The following ZNF804A variants were observed in gnomAD, a reference collection of about 807,000 sequenced individuals.
The protein encoded by ZNF804A is zinc finger protein 804A.
In ZNF804A, 2 loss-of-function variants were observed where a neutral mutation model predicts 16.5. That is an observed-to-expected ratio of 0.12 (90% CI 0.05 to 0.38). The LOEUF is 0.38. Ranked by LOEUF, ZNF804A falls within the 10% of genes least tolerant of loss-of-function variation. The pLI is 0.99. For synonymous variants in ZNF804A, 534 were observed against 489.6 expected (o/e 1.09, Z -1.20); for missense variants, 1,473 against 1,390.7 (o/e 1.06, Z -0.94).
In ZNF804A at chr2:184,936,245, A is replaced by C; in HGVS notation, c.849A>C (p.Ala283=). 6.2e-7 allele frequency: 1 copy of C among 1,614,042 alleles called. No individual in the cohort carries two copies. Among genetic ancestry groups the C allele is most frequent in the Non-Finnish European group, 8.5e-7 (1 of 1,179,962 alleles). ...CTAACTCTTTTCATCCACCAGAGGC[A>C]ATGTGCAGAGACAAAGAAACTGTTC... The part of the protein sequence containing the change: ...EKTNSFHPPE[A]MCRDKETVQT... Residue 283 remains alanine (A), a synonymous_variant, in exon 4 of 4, where the codon GCA becomes GCC. Transcript: ENST00000302277.
intron 1 of ZNF804A, among the ~76,000 whole-genome samples, chr2:184,666,521 C>G (rs1692258173): frequency 6.6e-6 from 1 of 151,954 alleles, no homozygotes; most frequent in Non-Finnish European, 1.5e-5. Context: ...TATCCCTACA[C>G]TTTATATTTT....
chr2:184,642,502 C>T (rs12693385), intron 1 of ZNF804A, among the ~76,000 whole-genome samples: 85,558 of 151,948 alleles, frequency 0.56, 25,108 homozygotes, highest in African/African-American at 0.69. Flanking sequence ...CTTCATAACC[C>T]GTAATTGTTT....
intron 2 of ZNF804A, among the ~76,000 whole-genome samples, chr2:184,911,668 T>G (rs1369382277): frequency 6.8e-6 from 1 of 146,418 alleles, no homozygotes; most frequent in Non-Finnish European, 1.5e-5. Flanking sequence ...TTTGTAGTTT[T>G]CCTTGTGGAG....
chr2:184,643,609 A>G (rs906804286), intron 1 of ZNF804A, among the ~76,000 whole-genome samples: 16 of 151,930 alleles, frequency 1.1e-4, no homozygotes, highest in Non-Finnish European at 2.2e-4. Context: ...AGAATCAAGA[A>G]ACACTTTATT....
intron 2 of ZNF804A, 119 bp downstream of exon 2, chr2:184,866,631 G>A: frequency 1.2e-6 from 1 of 850,846 alleles, no homozygotes; most frequent in South Asian, 3.3e-5. Context: ...GTACAGTTTT[G>A]AAATATATCA....
intron 1 of ZNF804A, among the ~76,000 whole-genome samples, chr2:184,637,028 G>A (rs879579550): frequency 6.6e-6 from 1 of 152,012 alleles, no homozygotes; most frequent in African/African-American, 2.4e-5. Flanking sequence ...TTTTTAAATT[G>A]CTTTCATAGT....
intron 1 of ZNF804A, among the ~76,000 whole-genome samples, chr2:184,827,976 C>T (rs1214255543): frequency 1.3e-5 from 2 of 151,644 alleles, no homozygotes; most frequent in Non-Finnish European, 3.0e-5. Context: ...TTATAATCTC[C>T]TATCATCTAT....
chr2:184,822,346 G>A (rs866404467), intron 1 of ZNF804A, among the ~76,000 whole-genome samples: 3 of 152,082 alleles, frequency 2.0e-5, no homozygotes, highest in South Asian at 2.1e-4. Flanking sequence ...AGTTGTAAGT[G>A]GGAACTGATC....
Position 184,726,192 on chromosome 2 carries a change from G to A in ZNF804A, c.111+127122G>A, listed in dbSNP as rs1293240715. Among the ~76,000 whole-genome samples the A allele has an allele frequency of 2.6e-5, 4 of 151,768 alleles. No homozygotes were observed. In the East Asian group the frequency reaches 5.8e-4, roughly 22 times the overall value. On this transcript the variant is annotated intron_variant, in intron 1 of 3. Coordinates refer to ENST00000302277, the MANE Select transcript of ZNF804A (RefSeq NM_194250.2). ...AGATTGTATGCTATGCGTATTTCTAGAGTTTTAAGAATCTTCCCATTTCCC... is the reference window on the plus strand; with the variant it reads ...AGATTGTATGCTATGCGTATTTCTAAAGTTTTAAGAATCTTCCCATTTCCC...
intron 1 of ZNF804A, among the ~76,000 whole-genome samples, chr2:184,728,135 T>C (rs1693446704): frequency 6.6e-6 from 1 of 151,548 alleles, no homozygotes; most frequent in Non-Finnish European, 1.5e-5. Context: ...ATGAAGAAGG[T>C]ATTTACACAT....
chr2:184,697,149 G>A lies in ZNF804A; in HGVS notation c.111+98079G>A, dbSNP rs561158057. ...AATTATAGCAAAATAAATCCCAACAGTTTAAAGATTGTAGCTATTATTATT... is the reference window on the plus strand; with the variant it reads ...AATTATAGCAAAATAAATCCCAACAATTTAAAGATTGTAGCTATTATTATT... On this transcript the variant is annotated intron_variant, in intron 1 of 3. Coordinates refer to ENST00000302277, the MANE Select transcript of ZNF804A (RefSeq NM_194250.2). 5.9e-4 allele frequency among the ~76,000 whole-genome samples: 90 copies of A among 152,026 alleles called. 1 individual carries two copies. Among genetic ancestry groups the A allele is most frequent in the South Asian group, 2.9e-3 (14 of 4,810 alleles).
chr2:184,606,146 C>T (rs149699052), intron 1 of ZNF804A, among the ~76,000 whole-genome samples: 7 of 152,246 alleles, frequency 4.6e-5, no homozygotes, highest in Admixed American at 4.6e-4. Flanking sequence ...TTTTATGTGT[C>T]ACCTACAATA....
chr2:184,698,071 A>C (rs1692861628), intron 1 of ZNF804A, among the ~76,000 whole-genome samples: 2 of 152,082 alleles, frequency 1.3e-5, no homozygotes, highest in Admixed American at 6.6e-5. Context: ...ATTTGAGTCT[A>C]TTCAGTCTTT....
chr2:184,680,221 T>C (rs1692515507), intron 1 of ZNF804A, among the ~76,000 whole-genome samples: 2 of 151,078 alleles, frequency 1.3e-5, no homozygotes, highest in Non-Finnish European at 2.9e-5. Context: ...ACAGATGGGA[T>C]GACCTACCTG....
At chr2:184,649,361 A>C (rs909045405) in intron 1 of ZNF804A, among the ~76,000 whole-genome samples, 2 of 152,132 alleles carry the variant, frequency 1.3e-5, no homozygotes, top group Non-Finnish European at 2.9e-5. Context: ...CTAACATTAC[A>C]TTCAGAGGAA....
intron 2 of ZNF804A, among the ~76,000 whole-genome samples, chr2:184,885,310 A>G (rs1435421037): frequency 6.6e-6 from 1 of 152,238 alleles, no homozygotes; most frequent in Non-Finnish European, 1.5e-5. Context: ...AAGCAGAATT[A>G]ACCTTTGACC....
chr2:184,718,696 C>G (rs892920745), intron 1 of ZNF804A, among the ~76,000 whole-genome samples: 1 of 152,140 alleles, frequency 6.6e-6, no homozygotes, highest in Non-Finnish European at 1.5e-5. Flanking sequence ...TGTCTCACAT[C>G]CAGGTCACGC....
At chr2:184,734,817 G>C (rs566102666) in intron 1 of ZNF804A, among the ~76,000 whole-genome samples, 1 of 152,188 alleles carries the variant, frequency 6.6e-6, no homozygotes, top group African/African-American at 2.4e-5. Context: ...AATTCTAGCA[G>C]TTTTTTCCTC....
intron 1 of ZNF804A, among the ~76,000 whole-genome samples, chr2:184,829,790 A>G (rs1198459403): frequency 6.7e-6 from 1 of 149,372 alleles, no homozygotes; most frequent in Non-Finnish European, 1.5e-5. Flanking sequence ...GGCTGGGTGT[A>G]GTGGCTCATG....
Sources: allele counts gnomAD v4.1 joint callset (sites outside exome capture counted in the v4.1 genomes callset), GRCh38; gene constraint gnomAD v4.1.1; transcripts MANE v1.5; gene names NCBI Gene and HGNC (gene_info 2026-07-23, HGNC 2026-07-21).